SLC30A3: variants seen among roughly 807,000 people sequenced by gnomAD.
The protein encoded by SLC30A3 is probable proton-coupled zinc antiporter SLC30A3.
Under a neutral mutation model 35.6 loss-of-function variants are expected in SLC30A3, and 20 were observed. That is an observed-to-expected ratio of 0.56 (90% CI 0.39 to 0.82). The LOEUF (loss-of-function observed/expected upper bound fraction) is 0.82, where lower values mean the gene tolerates loss of function less well. SLC30A3 is among the 40% of genes least tolerant of loss of function. The pLI is 0.00. For missense variants in SLC30A3, 401 were observed against 530.6 expected (o/e 0.76, Z 2.40); for synonymous variants, 217 against 224.7 (o/e 0.97, Z 0.31).
intron 7 of SLC30A3, 50 bp downstream of exon 7, chr2:27,256,336 G>A: frequency 6.2e-7 from 1 of 1,601,512 alleles, no homozygotes; most frequent in Non-Finnish European, 8.6e-7. Flanking sequence ...TCCCATGTTT[G>A]GGGTGGGGTA....
rs1194750280 is a variant in SLC30A3 at position 27,271,086 on chromosome 2, T to C, written c.-159+4091A>G. 6.6e-6 allele frequency among the ~76,000 whole-genome samples: 1 copy of C among 152,194 alleles called. No homozygotes were observed. The highest frequency in any genetic ancestry group is 2.4e-5 in the African/African-American group (1 of 41,454). On this transcript the variant is annotated intron_variant, in intron 1 of 5. Transcript: ENST00000424577. This position sits in a 1 kb window ranked among gnomAD's most constrained non-coding sequence, Gnocchi z 4.3. Reference sequence around the variant, plus strand: ...TTCTGGGCTGCACTTTCTTCAATTATAAAATGAAGGCGTTGGATTCAAGTT... The same window carrying C: ...TTCTGGGCTGCACTTTCTTCAATTACAAAATGAAGGCGTTGGATTCAAGTT...
intron 6 of SLC30A3, 43 bp from the exon 7 acceptor site, chr2:27,256,563 T>A: frequency 6.2e-7 from 1 of 1,611,234 alleles, no homozygotes; most frequent in Non-Finnish European, 8.5e-7. Flanking sequence ...GGGCTACTCC[T>A]GCCCAGAAGC....
In SLC30A3 at chr2:27,271,394, T is replaced by C. The variant is rs1225756629; in HGVS notation, c.-159+3783A>G. On this transcript the variant is annotated intron_variant, in intron 1 of 5. Coordinates refer to the SLC30A3 transcript ENST00000424577. The surrounding 1 kb of genome is among the most constrained non-coding windows in gnomAD (Gnocchi z 4.3). ...ACAAAAAGATCACTGACTCAAGGTA[T>C]GATGGGAGGGCAAATGATCCAAGAA... Among the ~76,000 whole-genome samples, 1 of 152,206 alleles carries C rather than the reference T, an allele frequency of 6.6e-6. No homozygotes were observed. The highest frequency in any genetic ancestry group is 1.5e-5 in the Non-Finnish European group (1 of 68,036).
Position 27,274,093 on chromosome 2 carries a change from C to T in SLC30A3, c.-159+1084G>A, listed in dbSNP as rs189284781. On this transcript the variant is annotated intron_variant, in intron 1 of 5. Coordinates refer to the SLC30A3 transcript ENST00000424577. ...ATCCCAGCACTTTTGGAGGCTGAGG[C>T]GGGTAGATCACTGAGGTCAGGAGTT... Among the ~76,000 whole-genome samples the T allele has an allele frequency of 5.1e-3, 779 of 152,198 alleles. 3 individuals carry two copies. The highest frequency in any genetic ancestry group is 0.051 in the Middle Eastern group (15 of 294).
At chr2:27,272,710 G>A (rs1287073441) in intron 1 of SLC30A3, among the ~76,000 whole-genome samples, 3 of 151,652 alleles carry the variant, frequency 2.0e-5, no homozygotes, top group African/African-American at 4.8e-5. Context: ...ACAGGCATGA[G>A]CCACTGCGCC....
At chr2:27,261,121 C>T (rs2148131162) in intron 1 of SLC30A3, among the ~76,000 whole-genome samples, 1 of 152,212 alleles carries the variant, frequency 6.6e-6, no homozygotes, top group South Asian at 2.1e-4. Flanking sequence ...GAAGGGTGTT[C>T]CAGACATGTA....
chr2:27,269,489 G>A (rs1677640619), intron 1 of SLC30A3, among the ~76,000 whole-genome samples: 1 of 151,992 alleles, frequency 6.6e-6, no homozygotes, highest in African/African-American at 2.4e-5. Context: ...TTACAGGTGT[G>A]AGCCACCACA....
At position 27,263,004 on chromosome 2, in the gene SLC30A3, C is replaced by A; in HGVS notation, c.-98G>T. On this transcript the variant is annotated 5_prime_UTR_variant, in exon 1 of 8. Coordinates refer to ENST00000233535, the MANE Select transcript of SLC30A3 (RefSeq NM_003459.5). Reference sequence around the variant, plus strand: ...GCAGCCCGCCGACCCCCGGGATCCCCGCAGGGCGGCGGGGCCACCAGAGTG... The same window carrying A: ...GCAGCCCGCCGACCCCCGGGATCCCAGCAGGGCGGCGGGGCCACCAGAGTG... 1 of 1,413,054 alleles carries A rather than the reference C, an allele frequency of 7.1e-7. No individual in the cohort carries two copies. Among genetic ancestry groups the A allele is most frequent in the Non-Finnish European group, 9.2e-7 (1 of 1,091,576 alleles). The allele number at this position is 1,413,054 out of a possible 1,614,324, so 87.5% of individuals were successfully genotyped here. A position where few individuals can be genotyped will look rare whatever the true frequency, so the allele number is the denominator to read the frequency against.
At position 27,257,750 on chromosome 2, in the gene SLC30A3, C is replaced by G; in HGVS notation, c.578+155G>C. The stretch of plus-strand genomic sequence containing the variant: ...TGCTGACTGAATTTTAGGTCTCTAT[C>G]CCAGACCCTTCTCAGGCACACGCAG... On this transcript the variant is annotated intron_variant, in intron 4 of 7. Coordinates refer to ENST00000233535, the MANE Select transcript of SLC30A3 (RefSeq NM_003459.5). The surrounding 1 kb of genome is among the most constrained non-coding windows in gnomAD (Gnocchi z 4.7). 1 of 769,958 alleles carries G rather than the reference C, an allele frequency of 1.3e-6. No individual in the cohort carries two copies. Among genetic ancestry groups the G allele is most frequent in the Non-Finnish European group, 2.1e-6 (1 of 479,666 alleles). 47.7% of individuals were successfully genotyped at this position (769,958 alleles called of 1,614,324 possible). A position where few individuals can be genotyped will look rare whatever the true frequency, so the allele number is the denominator to read the frequency against.
chr2:27,267,346 T>C (rs1433656629), upstream of SLC30A3, among the ~76,000 whole-genome samples: 3 of 152,124 alleles, frequency 2.0e-5, no homozygotes, highest in Non-Finnish European at 4.4e-5. Flanking sequence ...GATTTGTCAC[T>C]CCCCATCACA....
At position 27,258,168 on chromosome 2, in the gene SLC30A3, G is replaced by A. The variant is rs756783892; in HGVS notation, c.417C>T (p.His139=). ...PATRTMTFGW[H]RSETLGALAS... Reference sequence around the variant, plus strand: ...GCCATGCAGGGGCCTTACCTGAACGGTGCCAGCCAAAGGTCATGGTGCGGG... The same window carrying A: ...GCCATGCAGGGGCCTTACCTGAACGATGCCAGCCAAAGGTCATGGTGCGGG... Residue 139 remains histidine, a synonymous_variant, in exon 3 of 8, where the codon CAC becomes CAT. Transcript: ENST00000233535. The surrounding 1 kb of genome is among the most constrained non-coding windows in gnomAD (Gnocchi z 4.0). The A allele has an allele frequency of 1.9e-6, 3 of 1,594,844 alleles. No homozygotes were observed. In the Admixed American group the frequency reaches 5.1e-5, roughly 27 times the overall value.
In SLC30A3 at chr2:27,262,669, G is replaced by T; in HGVS notation, c.95+143C>A. ...GGCTGGGCGCTCCGTGTGGCCAGAG[G>T]GGATGAAGCGGGGTGCAGCGGAGCG... On this transcript the variant is annotated intron_variant, in intron 1 of 7. Transcript: ENST00000233535. The surrounding 1 kb of genome is among the most constrained non-coding windows in gnomAD (Gnocchi z 7.5). 1 of 776,868 alleles carries T rather than the reference G, an allele frequency of 1.3e-6. No individual in the cohort carries two copies. 48.1% of individuals were successfully genotyped at this position (776,868 alleles called of 1,614,324 possible).
intron 1 of SLC30A3, among the ~76,000 whole-genome samples, chr2:27,272,580 G>A (rs1252233516): frequency 6.7e-6 from 1 of 148,756 alleles, no homozygotes; most frequent in Non-Finnish European, 1.5e-5. Context: ...TGCAACCTCC[G>A]CCACACCCAG....
rs1306715238 is a variant in SLC30A3, at chr2:27,255,105, T to C, written c.*207A>G. The C allele has an allele frequency of 3.9e-6, 6 of 1,524,076 alleles. No individual in the cohort carries two copies. The African/African-American group carries it at 5.5e-5, about 14-fold the overall frequency. The allele number at this position is 1,524,076 out of a possible 1,614,324, so 94.4% of individuals were successfully genotyped here. Reference sequence around the variant, plus strand: ...CCTGAACTAGTCACATCTATTCCCCTGACTCCCACCCCACTCCCCGCCACA... The same window carrying C: ...CCTGAACTAGTCACATCTATTCCCCCGACTCCCACCCCACTCCCCGCCACA... On this transcript the variant is annotated 3_prime_UTR_variant, in exon 8 of 8. Transcript: ENST00000233535. This position sits in a 1 kb window ranked among gnomAD's most constrained non-coding sequence, Gnocchi z 5.2.
chr2:27,269,242 T>C (rs1354077444), intron 1 of SLC30A3, among the ~76,000 whole-genome samples: 2 of 147,762 alleles, frequency 1.4e-5, no homozygotes, highest in African/African-American at 2.5e-5. Context: ...AGTCTTGCTC[T>C]GTTGCGAGGC....
rs761361100 is a variant in SLC30A3, at chr2:27,255,736, A to T, written c.1019-276T>A. On this transcript the variant is annotated intron_variant, in intron 7 of 7. Transcript: ENST00000233535. The surrounding 1 kb of genome is among the most constrained non-coding windows in gnomAD (Gnocchi z 5.2). ...TACAGCTCAACATTTCAGCAGCCATACCACCCGATTTCCCAGGACAATCCA... is the reference window on the plus strand; with the variant it reads ...TACAGCTCAACATTTCAGCAGCCATTCCACCCGATTTCCCAGGACAATCCA... The T allele has an allele frequency of 2.3e-6, 1 of 429,634 alleles. No individual in the cohort carries two copies. The highest frequency in any genetic ancestry group is 4.2e-6 in the Non-Finnish European group (1 of 238,762). The allele number at this position is 429,634 out of a possible 1,614,324, so 26.6% of individuals were successfully genotyped here. A position where few individuals can be genotyped will look rare whatever the true frequency, so the allele number is the denominator to read the frequency against.
At chr2:27,268,213 G>A (rs554611441) in intron 1 of SLC30A3, among the ~76,000 whole-genome samples, 1 of 152,256 alleles carries the variant, frequency 6.6e-6, no homozygotes, top group East Asian at 1.9e-4. Flanking sequence ...GTAAATATTT[G>A]TTGAAGGTCT....
At position 27,258,770 on chromosome 2, in the gene SLC30A3, A is replaced by G; in HGVS notation, c.260T>C (p.Met87Thr). 6.2e-7 allele frequency: 1 copy of G among 1,614,228 alleles called. No individual in the cohort carries two copies. ...YAACAVCFVF[M>T]AGEVVGGYLA... ...CAACTTACCGACCACCTCCCCAGCC[A>G]TGAAGACAAAGCAAACGGCACAGGC... The change falls in exon 2 of 8, where the codon ATG becomes ACG. Residue 87 changes from methionine to threonine, a missense_variant. Transcript: ENST00000233535. This position sits in a 1 kb window ranked among gnomAD's most constrained non-coding sequence, Gnocchi z 4.0.
chr2:27,255,195 G>A lies in SLC30A3; in HGVS notation c.*117C>T, dbSNP rs769976454. The A allele has an allele frequency of 4.4e-6, 7 of 1,599,844 alleles. No homozygotes were observed. In the Admixed American group the frequency reaches 8.4e-5, roughly 19 times the overall value. On this transcript the variant is annotated 3_prime_UTR_variant, in exon 8 of 8. Transcript: ENST00000233535. This position sits in a 1 kb window ranked among gnomAD's most constrained non-coding sequence, Gnocchi z 5.2. ...CTGGGGAAACTGGCAGGTGGTAGGA[G>A]GGAGAGAGGAAGGGGTATGGACCTG...
Sources: allele counts gnomAD v4.1 joint callset (sites outside exome capture counted in the v4.1 genomes callset), GRCh38; gene constraint gnomAD v4.1.1; non-coding constraint Gnocchi (gnomAD v3.1); transcripts MANE v1.5; gene names NCBI Gene and HGNC (gene_info 2026-07-23, HGNC 2026-07-21).